CNTNAP2: variants seen among roughly 807,000 people sequenced by gnomAD.
CNTNAP2 encodes the protein contactin associated protein 2.
In CNTNAP2, 98 loss-of-function variants were observed where a neutral mutation model predicts 155.2. That is an observed-to-expected ratio of 0.63 (90% CI 0.54 to 0.75). CNTNAP2 has a LOEUF of 0.75. CNTNAP2 is among the 30% of genes least tolerant of loss of function. The pLI, the probability that CNTNAP2 is intolerant of heterozygous loss-of-function variation, is 0.00. For missense variants in CNTNAP2, 1,727 were observed against 1,688.1 expected, an observed-to-expected ratio of 1.02 and a Z score of -0.40; for synonymous variants, 651 against 631.2, an observed-to-expected ratio of 1.03 and a Z score of -0.47.
intron 1 of CNTNAP2, among the ~76,000 whole-genome samples, chr7:146,516,416 G>A (rs1266524490): frequency 6.6e-6 from 1 of 151,970 alleles, no homozygotes; most frequent in African/African-American, 2.4e-5. Flanking sequence ...AATGAAAAAG[G>A]TAATGCAAGA....
intron 14 of CNTNAP2, among the ~76,000 whole-genome samples, chr7:147,949,458 ATT>A (rs199529235): frequency 2.9e-4 from 40 of 137,332 alleles, no homozygotes; most frequent in East Asian, 6.4e-4. Flanking sequence ...ATATATATAT[ATT>A]TTTTTTTTTT....
At chr7:146,288,162 G>A (rs1392980118) in intron 1 of CNTNAP2, among the ~76,000 whole-genome samples, 1 of 151,842 alleles carries the variant, frequency 6.6e-6, no homozygotes, top group Non-Finnish European at 1.5e-5. Flanking sequence ...GCCAGTCCTG[G>A]TGGTGTTTGC....
chr7:147,883,860 C>T (rs1008360865), intron 13 of CNTNAP2, among the ~76,000 whole-genome samples: 1 of 152,102 alleles, frequency 6.6e-6, no homozygotes, highest in Non-Finnish European at 1.5e-5. Flanking sequence ...TGGACAGGTG[C>T]TATTTATCAG....
intron 10 of CNTNAP2, among the ~76,000 whole-genome samples, chr7:147,413,004 TG>T (rs1184030202): frequency 2.0e-5 from 3 of 152,246 alleles, no homozygotes; most frequent in Non-Finnish European, 4.4e-5. Context: ...CATCACATTT[TG>T]CCTGTTAGAA....
At chr7:146,907,390 C>T (rs1253202802) in intron 3 of CNTNAP2, among the ~76,000 whole-genome samples, 1 of 148,540 alleles carries the variant, frequency 6.7e-6, no homozygotes, top group Non-Finnish European at 1.5e-5. Context: ...ATGTTAAGGG[C>T]AGCCAGAGAG....
At chr7:147,175,255 T>C (rs12703881) in intron 8 of CNTNAP2, among the ~76,000 whole-genome samples, 12,471 of 107,940 alleles carry the variant, frequency 0.12, 548 homozygotes, top group Middle Eastern at 0.17. Flanking sequence ...TATGCAGCCC[T>C]TCTGCTCTTT....
intron 1 of CNTNAP2, among the ~76,000 whole-genome samples, chr7:146,222,384 G>T (rs1051019995): frequency 1.1e-4 from 17 of 152,164 alleles, no homozygotes; most frequent in African/African-American, 4.1e-4. Context: ...GAGAATAATT[G>T]CTTGAGCAAA....
chr7:147,811,195 A>C (rs1410192378), intron 13 of CNTNAP2, among the ~76,000 whole-genome samples: 1 of 152,160 alleles, frequency 6.6e-6, no homozygotes, highest in Non-Finnish European at 1.5e-5. Context: ...CCTGGGTTCA[A>C]GCAATTCTCC....
At chr7:147,930,026 T>C (rs1361872498) in intron 14 of CNTNAP2, among the ~76,000 whole-genome samples, 1 of 152,022 alleles carries the variant, frequency 6.6e-6, no homozygotes, top group African/African-American at 2.4e-5. Flanking sequence ...CTCGCCCGCC[T>C]CACCTCCTGC....
chr7:148,000,547 A>G (rs765516986), intron 15 of CNTNAP2, among the ~76,000 whole-genome samples: 58 of 152,160 alleles, frequency 3.8e-4, no homozygotes, highest in Non-Finnish European at 7.3e-4. Flanking sequence ...ATTTGCTCCA[A>G]GTGACACAGT....
At chr7:148,091,486 G>T (rs1284550131) in intron 15 of CNTNAP2, among the ~76,000 whole-genome samples, 1 of 152,148 alleles carries the variant, frequency 6.6e-6, no homozygotes, top group Non-Finnish European at 1.5e-5. Flanking sequence ...ACCTGATTTG[G>T]CTGATGTATG....
chr7:148,013,170 G>A (rs1802111834), intron 15 of CNTNAP2: 1 of 152,172 alleles, frequency 6.6e-6, no homozygotes, highest in Non-Finnish European at 1.5e-5. Flanking sequence ...GCTGACAATA[G>A]AAACTCATTC....
intron 1 of CNTNAP2, among the ~76,000 whole-genome samples, chr7:146,526,998 C>T (rs1172020905): frequency 6.6e-6 from 1 of 152,004 alleles, no homozygotes; most frequent in African/African-American, 2.4e-5. Flanking sequence ...AGTCAGTTCT[C>T]CCGCCTCGGC....
At chr7:147,965,553 T>A (rs1563151152) in intron 14 of CNTNAP2, among the ~76,000 whole-genome samples, 1 of 151,980 alleles carries the variant, frequency 6.6e-6, no homozygotes, top group African/African-American at 2.4e-5. Flanking sequence ...GTACATGCTT[T>A]AATTTTTTGA....
At chr7:146,433,001 C>T (rs550770857) in intron 1 of CNTNAP2, among the ~76,000 whole-genome samples, 99 of 152,268 alleles carry the variant, frequency 6.5e-4, no homozygotes, top group African/African-American at 2.1e-3. Context: ...AAACAAAAAT[C>T]AACTCAACCC....
chr7:147,507,229 A>C (rs1798922243), intron 11 of CNTNAP2, among the ~76,000 whole-genome samples: 1 of 152,196 alleles, frequency 6.6e-6, no homozygotes, highest in Admixed American at 6.5e-5. Flanking sequence ...CCATAAGTCA[A>C]GTTAGCAAAT....
intron 14 of CNTNAP2, among the ~76,000 whole-genome samples, chr7:147,937,596 G>A (rs1169084575): frequency 6.6e-6 from 1 of 151,960 alleles, no homozygotes; most frequent in Non-Finnish European, 1.5e-5. Flanking sequence ...CTCTCCATGC[G>A]GCATGGGCAC....
chr7:146,470,536 CT>C (rs1796782505), intron 1 of CNTNAP2, among the ~76,000 whole-genome samples: 1 of 151,906 alleles, frequency 6.6e-6, no homozygotes, highest in South Asian at 2.1e-4. Flanking sequence ...GGTTGTGTTT[CT>C]TGCTATCCCT....
At chr7:147,916,852 A>G (rs1393282868) in intron 14 of CNTNAP2, among the ~76,000 whole-genome samples, 1 of 151,822 alleles carries the variant, frequency 6.6e-6, no homozygotes, top group East Asian at 1.9e-4. Context: ...TCACCCTCAC[A>G]CCCTCCCTAC....
Sources: allele counts gnomAD v4.1 joint callset (sites outside exome capture counted in the v4.1 genomes callset), GRCh38; gene constraint gnomAD v4.1.1; transcripts MANE v1.5; gene names NCBI Gene and HGNC (gene_info 2026-07-23, HGNC 2026-07-21).